ARHGAP12: variants seen among roughly 807,000 people sequenced by gnomAD.
ARHGAP12 encodes rho GTPase-activating protein 12.
Under a neutral mutation model 108.6 loss-of-function variants are expected in ARHGAP12, and 64 were observed. That is an observed-to-expected ratio of 0.59 (90% CI 0.48 to 0.73). The LOEUF (loss-of-function observed/expected upper bound fraction) is 0.73, where lower values mean the gene tolerates loss of function less well. ARHGAP12 is among the 30% of genes least tolerant of loss of function. The pLI, the probability that ARHGAP12 is intolerant of heterozygous loss-of-function variation, is 0.00. For synonymous variants in ARHGAP12, 312 were observed against 337.2 expected, an observed-to-expected ratio of 0.93 and a Z score of 0.82; for missense variants, 940 against 1,005.9, an observed-to-expected ratio of 0.93 and a Z score of 0.89.
At chr10:31,875,883 TTC>T (rs1197154904) in intron 3 of ARHGAP12, among the ~76,000 whole-genome samples, 1 of 152,184 alleles carries the variant, frequency 6.6e-6, no homozygotes, top group Non-Finnish European at 1.5e-5. Flanking sequence ...CCATTCTACT[TTC>T]TGTCTCTATG....
intron 3 of ARHGAP12, among the ~76,000 whole-genome samples, chr10:31,874,835 G>A (rs948340122): frequency 2.0e-5 from 3 of 151,748 alleles, no homozygotes; most frequent in South Asian, 2.1e-4. Flanking sequence ...TTAGCCAGGC[G>A]TGGTGGCCAG....
At chr10:31,844,850 T>C (rs992969991) in intron 6 of ARHGAP12, among the ~76,000 whole-genome samples, 7 of 152,148 alleles carry the variant, frequency 4.6e-5, no homozygotes, top group Non-Finnish European at 8.8e-5. Context: ...AACGACTCCC[T>C]ATTCAGGAAT....
At chr10:31,817,923 A>G (rs2778650) in intron 12 of ARHGAP12, 37 bp from the exon 13 acceptor site, 758,492 of 1,513,742 alleles carry the variant, frequency 0.5, 192,822 homozygotes, top group African/African-American at 0.58. Context: ...GAGTATGGTC[A>G]GTTTGTGCTT....
chr10:31,918,532 G>A (rs1475868483), intron 1 of ARHGAP12, among the ~76,000 whole-genome samples: 4 of 151,968 alleles, frequency 2.6e-5, no homozygotes, highest in Non-Finnish European at 4.4e-5. Context: ...ACGAGGCCCC[G>A]TCTCTACAAA....
At chr10:31,865,015 G>A (rs1191872065) in intron 3 of ARHGAP12, among the ~76,000 whole-genome samples, 1 of 152,092 alleles carries the variant, frequency 6.6e-6, no homozygotes, top group African/African-American at 2.4e-5. Context: ...CAGGGAGGAA[G>A]AACAAAAGCT....
Position 31,908,478 on chromosome 10 carries a change from TG to T in ARHGAP12, c.377del (p.Thr126LysfsTer23). 6.2e-7 allele frequency: 1 copy of T among 1,614,262 alleles called. No individual in the cohort carries two copies. The highest frequency in any genetic ancestry group is 8.5e-7 in the Non-Finnish European group (1 of 1,180,048). On this transcript the variant is annotated frameshift_variant, in exon 3 of 20. Coordinates refer to ENST00000344936, the MANE Select transcript of ARHGAP12 (RefSeq NM_018287.7). LOFTEE classifies it high-confidence loss of function. The stretch of plus-strand genomic sequence containing the variant: ...TCTGATTGGCATCACGAATAAGACC[TG>T]TTCCTTGAACAGATGACGATGGCTT... The part of the protein sequence containing the change: ...FGKPSSSVQG[T>X]GLIRDANQNF...
chr10:31,841,049 AATG>A (rs1836243909), intron 7 of ARHGAP12, among the ~76,000 whole-genome samples: 2 of 151,350 alleles, frequency 1.3e-5, no homozygotes, highest in South Asian at 2.1e-4. Flanking sequence ...AACTGAATAA[AATG>A]ATAATTATAT....
At chr10:31,888,675 C>T (rs1301000162) in intron 3 of ARHGAP12, among the ~76,000 whole-genome samples, 1 of 152,126 alleles carries the variant, frequency 6.6e-6, no homozygotes, top group Non-Finnish European at 1.5e-5. Flanking sequence ...CTAGTCATAG[C>T]TGGGTTTCCA....
intron 1 of ARHGAP12, among the ~76,000 whole-genome samples, chr10:31,920,630 C>G (rs1839765436): frequency 2.0e-5 from 3 of 151,480 alleles, no homozygotes; most frequent in Admixed American, 2.0e-4. Flanking sequence ...AAACTAAAGC[C>G]CAAATTAGGT....
At chr10:31,836,838 A>G (rs781759243) in intron 9 of ARHGAP12, among the ~76,000 whole-genome samples, 22 of 152,210 alleles carry the variant, frequency 1.4e-4, no homozygotes, top group Non-Finnish European at 3.2e-4. Context: ...GGAGGGCACA[A>G]CAGCATGGAT....
chr10:31,909,800 G>C (rs376663464), intron 2 of ARHGAP12, among the ~76,000 whole-genome samples: 2 of 152,172 alleles, frequency 1.3e-5, no homozygotes, highest in African/African-American at 2.4e-5. Flanking sequence ...GGAAGCTGAG[G>C]TGGAAGGATC....
At chr10:31,872,755 C>G (rs1837588755) in intron 3 of ARHGAP12, among the ~76,000 whole-genome samples, 1 of 152,160 alleles carries the variant, frequency 6.6e-6, no homozygotes, top group African/African-American at 2.4e-5. Flanking sequence ...TAAGATAACT[C>G]CAAGGACCTT....
chr10:31,896,228 T>TA (rs925349951), intron 3 of ARHGAP12, among the ~76,000 whole-genome samples: 2 of 148,078 alleles, frequency 1.4e-5, no homozygotes, highest in African/African-American at 5.0e-5. Flanking sequence ...CCCAAGAACT[T>TA]AAAGTATAAT....
At chr10:31,858,878 TA>T (rs1365233937) in intron 4 of ARHGAP12, among the ~76,000 whole-genome samples, 1 of 152,084 alleles carries the variant, frequency 6.6e-6, no homozygotes, top group Non-Finnish European at 1.5e-5. Flanking sequence ...AAGTAGAATC[TA>T]AACCAGTATG....
At chr10:31,853,768 C>T (rs1443262898) in intron 5 of ARHGAP12, among the ~76,000 whole-genome samples, 2 of 152,090 alleles carry the variant, frequency 1.3e-5, no homozygotes, top group African/African-American at 2.4e-5. Flanking sequence ...AAACTATTCC[C>T]TCAGAAAAAT....
chr10:31,829,517 A>G (rs1393425769), intron 10 of ARHGAP12, among the ~76,000 whole-genome samples: 1 of 152,220 alleles, frequency 6.6e-6, no homozygotes, highest in Non-Finnish European at 1.5e-5. Flanking sequence ...TTCAAACAGA[A>G]AGTAGAACTT....
At chr10:31,910,097 C>T (rs1839285843) in intron 2 of ARHGAP12, among the ~76,000 whole-genome samples, 2 of 151,982 alleles carry the variant, frequency 1.3e-5, no homozygotes, top group South Asian at 4.2e-4. Context: ...GGAGCACGGC[C>T]CTGCCAAAAC....
chr10:31,837,858 CATTT>C (rs1031995770), intron 9 of ARHGAP12, among the ~76,000 whole-genome samples: 1 of 152,150 alleles, frequency 6.6e-6, no homozygotes, highest in African/African-American at 2.4e-5. Context: ...TTTAAGGTTT[CATTT>C]ATTTATTCAA....
At position 31,849,184 on chromosome 10, in the gene ARHGAP12, T is replaced by C. The variant is rs77442597; in HGVS notation, c.1170+3333A>G. On this transcript the variant is annotated intron_variant, in intron 6 of 19. Transcript: ENST00000344936. ...TTGAAATACTGAACAGCAGACTTCATTTTGAGTGGGGAATGTTTTGTTTTC... is the reference window on the plus strand; with the variant it reads ...TTGAAATACTGAACAGCAGACTTCACTTTGAGTGGGGAATGTTTTGTTTTC... Among the ~76,000 whole-genome samples the C allele has an allele frequency of 3.5e-3, 527 of 152,336 alleles. 2 individuals carry two copies. The highest frequency in any genetic ancestry group is 0.012 in the African/African-American group (514 of 41,576).
Sources: gnomAD v4.1 joint callset for allele counts (sites outside exome capture counted in the v4.1 genomes callset) on GRCh38, gnomAD v4.1.1 for gene constraint, MANE v1.5 for transcripts, NCBI Gene and HGNC (gene_info 2026-07-23, HGNC 2026-07-21) for gene names.